The following ST18 variants were observed in gnomAD, a reference collection of about 807,000 sequenced individuals.
ST18 encodes suppression of tumorigenicity 18 protein.
ST18 carries 50 observed loss-of-function variants against 110.0 expected under a neutral mutation model. The ratio of observed to expected loss-of-function variants is 0.45; its 90% CI spans 0.36 to 0.58. ST18 has a LOEUF of 0.58. Ranked by LOEUF, ST18 falls within the 20% of genes least tolerant of loss-of-function variation. The pLI, the probability that ST18 is intolerant of heterozygous loss-of-function variation, is 0.00. For missense variants in ST18, 1,306 were observed against 1,280.1 expected (o/e 1.02, Z -0.31); for synonymous variants, 461 against 452.4 (o/e 1.02, Z -0.24).
chr8:52,167,642 T>A (rs1417954923), intron 10 of ST18, among the ~76,000 whole-genome samples: 1 of 152,164 alleles, frequency 6.6e-6, no homozygotes, highest in Non-Finnish European at 1.5e-5. Flanking sequence ...AAGCTGCTGA[T>A]CTCACTCTAA....
intron 6 of ST18, among the ~76,000 whole-genome samples, chr8:52,216,533 C>G (rs1391090302): frequency 1.3e-5 from 2 of 152,152 alleles, no homozygotes; most frequent in Non-Finnish European, 2.9e-5. Flanking sequence ...CACTTGCTTT[C>G]TCTTCTTTAC....
intron 2 of ST18, among the ~76,000 whole-genome samples, chr8:52,302,929 G>A (rs976996994): frequency 7.9e-5 from 12 of 152,090 alleles, no homozygotes; most frequent in Non-Finnish European, 1.6e-4. Flanking sequence ...AAGAAGCATC[G>A]ATGGATGCTA....
chr8:52,407,331 G>A (rs1844866686), intron 2 of ST18: 1 of 152,090 alleles, frequency 6.6e-6, no homozygotes, highest in Non-Finnish European at 1.5e-5. Context: ...AAAACAATGT[G>A]ATATCATTTT....
chr8:52,162,614 A>G (rs1451489187), intron 13 of ST18, among the ~76,000 whole-genome samples: 1 of 152,088 alleles, frequency 6.6e-6, no homozygotes, highest in Non-Finnish European at 1.5e-5. Flanking sequence ...TATCTATCAC[A>G]TTTTCAACAT....
At chr8:52,174,135 A>G (rs888390790) in intron 9 of ST18, among the ~76,000 whole-genome samples, 2 of 152,190 alleles carry the variant, frequency 1.3e-5, no homozygotes, top group African/African-American at 4.8e-5. Context: ...TTCAACATAA[A>G]CTGAAAAATT....
At chr8:52,222,688 G>A (rs1168590571) in intron 3 of ST18, among the ~76,000 whole-genome samples, 2 of 152,108 alleles carry the variant, frequency 1.3e-5, no homozygotes, top group Admixed American at 6.5e-5. Flanking sequence ...AGGAATCTGC[G>A]ACTGACATCG....
At chr8:52,393,949 A>G (rs1840220721) in intron 2 of ST18, 1 of 152,016 alleles carries the variant, frequency 6.6e-6, no homozygotes, top group African/African-American at 2.4e-5. Context: ...GCACACCTCC[A>G]AACACCACAC....
chr8:52,300,921 T>C (rs1447009441), intron 2 of ST18, among the ~76,000 whole-genome samples: 1 of 152,162 alleles, frequency 6.6e-6, no homozygotes, highest in African/African-American at 2.4e-5. Context: ...AAGTAGAGAC[T>C]CACAATACAC....
At chr8:52,376,962 A>T (rs531618228) in intron 2 of ST18, among the ~76,000 whole-genome samples, 4 of 152,190 alleles carry the variant, frequency 2.6e-5, no homozygotes, top group Non-Finnish European at 4.4e-5. Flanking sequence ...CAACTAATTA[A>T]ATGTGAAACC....
At chr8:52,156,238 G>A (rs898019970) in intron 15 of ST18, among the ~76,000 whole-genome samples, 3 of 152,216 alleles carry the variant, frequency 2.0e-5, no homozygotes, top group African/African-American at 7.2e-5. Context: ...GGCCGGGGCA[G>A]TCCAGCACTT....
intron 2 of ST18, among the ~76,000 whole-genome samples, chr8:52,297,941 A>G (rs1464976725): frequency 6.6e-6 from 1 of 152,232 alleles, no homozygotes; most frequent in African/African-American, 2.4e-5. Context: ...AAAAGAAAAC[A>G]TTTTAATTCT....
intron 2 of ST18, among the ~76,000 whole-genome samples, chr8:52,397,251 A>C (rs1026330944): frequency 1.3e-5 from 2 of 152,110 alleles, no homozygotes; most frequent in Non-Finnish European, 2.9e-5. Context: ...ACACCTCTTC[A>C]TATATATGTT....
chr8:52,136,581 C>T lies in ST18; in HGVS notation c.2300+9G>A, dbSNP rs1011077202. The T allele has an allele frequency of 9.3e-6, 15 of 1,607,882 alleles. No homozygotes were observed. The highest frequency in any genetic ancestry group is 3.4e-5 in the Admixed American group (2 of 59,244). On this transcript the variant is annotated intron_variant, in intron 19 of 25. Coordinates refer to ENST00000689386, the MANE Select transcript of ST18 (RefSeq NM_001352837.2). ...TGAAGGGCAAGCCGGCCACGCTTCC[C>T]GCACTTACTTAAGCTCCTGAGAGTT...
chr8:52,352,848 T>C (rs1821021364), intron 2 of ST18, among the ~76,000 whole-genome samples: 1 of 152,216 alleles, frequency 6.6e-6, no homozygotes, highest in Admixed American at 6.5e-5. Context: ...TACCAGGCAG[T>C]ATGTATTTAA....
intron 9 of ST18, among the ~76,000 whole-genome samples, chr8:52,173,330 C>T (rs2065670645): frequency 6.6e-6 from 1 of 152,154 alleles, no homozygotes; most frequent in African/African-American, 2.4e-5. Context: ...CAAGGTGGGG[C>T]ATTGGAGGGT....
At chr8:52,377,533 A>C (rs1475115109) in intron 2 of ST18, among the ~76,000 whole-genome samples, 3 of 152,252 alleles carry the variant, frequency 2.0e-5, no homozygotes, top group African/African-American at 7.2e-5. Flanking sequence ...AGAGAAATGC[A>C]AATTAAAACT....
chr8:52,350,971 C>T (rs1164928713), intron 2 of ST18, among the ~76,000 whole-genome samples: 1 of 152,066 alleles, frequency 6.6e-6, no homozygotes, highest in Non-Finnish European at 1.5e-5. Flanking sequence ...CTGCCTGCCT[C>T]GGCCTCCCAA....
intron 8 of ST18, among the ~76,000 whole-genome samples, chr8:52,195,961 G>A (rs1258266343): frequency 6.6e-6 from 1 of 152,052 alleles, no homozygotes; most frequent in Non-Finnish European, 1.5e-5. Flanking sequence ...TCCACTTTTT[G>A]TAAATTCACA....
intron 2 of ST18, among the ~76,000 whole-genome samples, chr8:52,277,725 A>C (rs2095301228): frequency 6.6e-6 from 1 of 152,212 alleles, no homozygotes; most frequent in East Asian, 1.9e-4. Flanking sequence ...AGAAATCATA[A>C]AATAACAAAA....
Sources: gnomAD v4.1 joint callset for allele counts (sites outside exome capture counted in the v4.1 genomes callset) on GRCh38, gnomAD v4.1.1 for gene constraint, MANE v1.5 for transcripts, NCBI Gene and HGNC (gene_info 2026-07-23, HGNC 2026-07-21) for gene names.